Variants in C1QTNF7 observed in about 807,000 individuals in gnomAD.
C1QTNF7 encodes the protein complement C1q tumor necrosis factor-related protein 7.
In C1QTNF7, 15 loss-of-function variants were observed where a neutral mutation model predicts 19.6. That is an observed-to-expected ratio of 0.76 (90% CI 0.51 to 1.18). The LOEUF (loss-of-function observed/expected upper bound fraction) is 1.18. C1QTNF7 is among the 50% of genes most tolerant of loss of function. The probability of loss-of-function intolerance (pLI) is 0.00; values close to 1 mark genes in which losing one functional copy is unlikely to be tolerated. For missense variants in C1QTNF7, 324 were observed against 359.7 expected (o/e 0.90, Z 0.80); for synonymous variants, 142 against 137.5 (o/e 1.03, Z -0.23).
chr4:15,437,217 G>C (rs1712573232), intron 2 of C1QTNF7, among the ~76,000 whole-genome samples: 2 of 151,768 alleles, frequency 1.3e-5, no homozygotes, highest in Non-Finnish European at 2.9e-5. Flanking sequence ...TAATGTAGTG[G>C]CTATACAAAC....
At chr4:15,394,895 C>T (rs180855537) in intron 1 of C1QTNF7, among the ~76,000 whole-genome samples, 1 of 152,244 alleles carries the variant, frequency 6.6e-6, no homozygotes, top group African/African-American at 2.4e-5. Context: ...AATTTGAACA[C>T]CTCAACTGTT....
intron 1 of C1QTNF7, among the ~76,000 whole-genome samples, chr4:15,363,809 A>G (rs1717421590): frequency 6.6e-6 from 1 of 152,236 alleles, no homozygotes; most frequent in African/African-American, 2.4e-5. Flanking sequence ...GAAGAAAGAA[A>G]TGTCACTATC....
chr4:15,434,940 C>T (rs976147830), intron 1 of C1QTNF7, among the ~76,000 whole-genome samples: 18 of 152,234 alleles, frequency 1.2e-4, no homozygotes, highest in African/African-American at 4.1e-4. Flanking sequence ...GCACAGTACC[C>T]CAATTAACAC....
intron 1 of C1QTNF7, among the ~76,000 whole-genome samples, chr4:15,435,142 G>A (rs536331029): frequency 6.6e-6 from 1 of 152,250 alleles, no homozygotes; most frequent in African/African-American, 2.4e-5. Context: ...TATCTATAAT[G>A]GGGGTTCTGT....
chr4:15,424,235 C>T (rs753244375), upstream of C1QTNF7, among the ~76,000 whole-genome samples: 1 of 152,224 alleles, frequency 6.6e-6, no homozygotes, highest in African/African-American at 2.4e-5. Flanking sequence ...TTGTCCATCT[C>T]CATGGCTGTA....
intron 1 of C1QTNF7, among the ~76,000 whole-genome samples, chr4:15,350,330 A>AGAAGGAAGGAAGGAATGGAAGAAGGAAG (rs1553884473): frequency 2.3e-5 from 1 of 44,394 alleles, no homozygotes; most frequent in Non-Finnish European, 3.9e-5. Flanking sequence ...GAAGGAGGAA[A>AGAAGGAAGGAAGGAATGGAAGAAGGAAG]GAAAGGAGGG....
chr4:15,418,239 C>A (rs1260726533), intron 1 of C1QTNF7, among the ~76,000 whole-genome samples: 32 of 152,122 alleles, frequency 2.1e-4, no homozygotes, highest in Admixed American at 2.1e-3. Context: ...CTCCCCTCCC[C>A]AGCCCTCTCT....
rs1560375394 is a variant in C1QTNF7, at chr4:15,445,477, CA to C, written c.*2681del. The C allele has an allele frequency of 1.3e-5, 2 of 152,202 alleles. No homozygotes were observed. Among genetic ancestry groups the C allele is most frequent in the African/African-American group, 4.8e-5 (2 of 41,464 alleles). 9.4% of individuals were successfully genotyped at this position (152,202 alleles called of 1,614,324 possible). On this transcript the variant is annotated 3_prime_UTR_variant, in exon 3 of 3. Transcript: ENST00000444304. The stretch of plus-strand genomic sequence containing the variant: ...TATCTTTTAAATGTTTCTTTTATTA[CA>C]AAGCCTATTTTGAGTAGCTTTTAAA...
At chr4:15,352,565 G>C (rs1349494484) in intron 1 of C1QTNF7, among the ~76,000 whole-genome samples, 1 of 152,180 alleles carries the variant, frequency 6.6e-6, no homozygotes, top group Admixed American at 6.5e-5. Flanking sequence ...TGTATCAGAG[G>C]GGGCAGCTAA....
intron 1 of C1QTNF7, among the ~76,000 whole-genome samples, chr4:15,415,733 A>G (rs1453113832): frequency 1.3e-5 from 2 of 152,112 alleles, no homozygotes; most frequent in Non-Finnish European, 2.9e-5. Context: ...CTGGGAACAC[A>G]GGCTTGAGCA....
Position 15,410,210 on chromosome 4 carries a change from T to C in C1QTNF7, c.14-25526T>C, listed in dbSNP as rs371538886. On this transcript the variant is annotated intron_variant, in intron 1 of 2. Transcript: ENST00000295297. Reference sequence around the variant, plus strand: ...TTCCACACTATTTTGGAGCTTTGGCTTATTGCTTTATGTTTGCATTTAATT... The same window carrying C: ...TTCCACACTATTTTGGAGCTTTGGCCTATTGCTTTATGTTTGCATTTAATT... 7.2e-5 allele frequency among the ~76,000 whole-genome samples: 11 copies of C among 152,356 alleles called. No homozygotes were observed. The East Asian group carries it at 9.6e-4, about 13-fold the overall frequency.
chr4:15,373,023 A>G (rs1218867887), intron 1 of C1QTNF7, among the ~76,000 whole-genome samples: 2 of 152,232 alleles, frequency 1.3e-5, no homozygotes, highest in Admixed American at 1.3e-4. Flanking sequence ...GTAGTTGCAC[A>G]TCCCGCTGGA....
intron 1 of C1QTNF7, among the ~76,000 whole-genome samples, chr4:15,418,530 T>C (rs758213980): frequency 1.2e-4 from 18 of 152,194 alleles, no homozygotes; most frequent in Non-Finnish European, 8.8e-5. Flanking sequence ...CATCTTCACC[T>C]GGCTAAGTCA....
chr4:15,371,302 G>A (rs536332703), intron 1 of C1QTNF7, among the ~76,000 whole-genome samples: 1 of 152,356 alleles, frequency 6.6e-6, no homozygotes, highest in African/African-American at 2.4e-5. Flanking sequence ...GTACACAGAG[G>A]GCTTAATAAA....
chr4:15,384,984 C>A (rs763241726), intron 1 of C1QTNF7, among the ~76,000 whole-genome samples: 1 of 152,340 alleles, frequency 6.6e-6, no homozygotes, highest in Admixed American at 6.5e-5. Context: ...GAAGGGCATT[C>A]TCTTGTGAGA....
At chr4:15,380,948 A>G (rs1718120045) in intron 1 of C1QTNF7, among the ~76,000 whole-genome samples, 1 of 152,100 alleles carries the variant, frequency 6.6e-6, no homozygotes, top group Non-Finnish European at 1.5e-5. Context: ...AAAAAGAAAG[A>G]AAAAGAAAAA....
At chr4:15,414,341 G>T (rs1471425745) in intron 1 of C1QTNF7, among the ~76,000 whole-genome samples, 5 of 152,050 alleles carry the variant, frequency 3.3e-5, no homozygotes, top group Non-Finnish European at 7.4e-5. Flanking sequence ...TAATGTAGAG[G>T]GTTTCTTTCT....
chr4:15,426,618 A>G (rs1560367083), upstream of C1QTNF7, among the ~76,000 whole-genome samples: 1 of 152,222 alleles, frequency 6.6e-6, no homozygotes, highest in Non-Finnish European at 1.5e-5. Context: ...AGAAAATATG[A>G]ATATCCACAA....
chr4:15,436,486 A>ATTT (rs1372163633), intron 2 of C1QTNF7, among the ~76,000 whole-genome samples: 5 of 152,250 alleles, frequency 3.3e-5, no homozygotes, highest in African/African-American at 1.2e-4. Flanking sequence ...ATCCTGAACA[A>ATTT]AGATACATAA....
Sources: allele counts gnomAD v4.1 joint callset (sites outside exome capture counted in the v4.1 genomes callset), GRCh38; gene constraint gnomAD v4.1.1; transcripts MANE v1.5; gene names NCBI Gene and HGNC (gene_info 2026-07-23, HGNC 2026-07-21).